Variants in APBA1 observed in about 807,000 individuals in gnomAD.
The protein encoded by APBA1 is amyloid beta precursor protein binding family A member 1.
In APBA1, 55 loss-of-function variants were observed where a neutral mutation model predicts 86.6. The ratio of observed to expected loss-of-function variants is 0.64; its 90% CI spans 0.51 to 0.80. The LOEUF is 0.80. APBA1 is among the 30% of genes least tolerant of loss of function. APBA1 has a pLI of 0.00. For synonymous variants in APBA1, 511 were observed against 493.9 expected, an observed-to-expected ratio of 1.03 and a Z score of -0.46; for missense variants, 1,090 against 1,183.0, an observed-to-expected ratio of 0.92 and a Z score of 1.15.
At chr9:69,596,070 C>T (rs1588384538) in intron 1 of APBA1, among the ~76,000 whole-genome samples, 1 of 152,258 alleles carries the variant, frequency 6.6e-6, no homozygotes, top group Non-Finnish European at 1.5e-5. Flanking sequence ...TCACTGTAAT[C>T]TTTAACTCTT....
chr9:69,578,139 G>C (rs78100632), intron 1 of APBA1, among the ~76,000 whole-genome samples: 13,897 of 152,232 alleles, frequency 0.091, 688 homozygotes, highest in East Asian at 0.13. Context: ...AGCCAAATTA[G>C]GACATCCCAG....
At chr9:69,654,295 C>T (rs1041988771) in intron 1 of APBA1, among the ~76,000 whole-genome samples, 1 of 151,764 alleles carries the variant, frequency 6.6e-6, no homozygotes, top group East Asian at 1.9e-4. Flanking sequence ...CTTAGCTAGA[C>T]TTACTAAGAA....
intron 2 of APBA1, among the ~76,000 whole-genome samples, chr9:69,489,256 G>A (rs927121193): frequency 1.3e-5 from 2 of 152,008 alleles, no homozygotes; most frequent in Admixed American, 6.5e-5. Context: ...AACCAAAACA[G>A]CATGGTACTG....
At chr9:69,614,113 T>C (rs1346185386) in intron 1 of APBA1, among the ~76,000 whole-genome samples, 5 of 152,230 alleles carry the variant, frequency 3.3e-5, no homozygotes. Context: ...ACTTTCTGTA[T>C]AGCTTTTGAA....
intron 2 of APBA1, among the ~76,000 whole-genome samples, chr9:69,514,820 T>C (rs1053359456): frequency 9.2e-5 from 14 of 151,808 alleles, no homozygotes; most frequent in African/African-American, 3.4e-4. Flanking sequence ...TGAGGTAGAA[T>C]TGCTTGAACC....
At chr9:69,484,309 G>A (rs556778832) in intron 2 of APBA1, among the ~76,000 whole-genome samples, 4 of 152,138 alleles carry the variant, frequency 2.6e-5, no homozygotes, top group African/African-American at 9.6e-5. Context: ...GAGGGAACCC[G>A]GACCCCACAG....
At chr9:69,618,028 A>G (rs561234180) in intron 1 of APBA1, among the ~76,000 whole-genome samples, 4 of 152,288 alleles carry the variant, frequency 2.6e-5, no homozygotes, top group Admixed American at 2.6e-4. Context: ...CTCAACTTTA[A>G]TTGCTTGGTA....
At chr9:69,658,406 CTCTT>C (rs1216461016) in intron 1 of APBA1, among the ~76,000 whole-genome samples, 4 of 146,976 alleles carry the variant, frequency 2.7e-5, no homozygotes, top group South Asian at 2.2e-4. Context: ...CTTTCCCTCT[CTCTT>C]TCTTTCTTTC....
intron 2 of APBA1, among the ~76,000 whole-genome samples, chr9:69,512,203 C>G (rs562766332): frequency 3.0e-4 from 45 of 152,124 alleles, no homozygotes; most frequent in Admixed American, 2.9e-3. Flanking sequence ...AAGTGAAACT[C>G]CTTACTAGAA....
chr9:69,503,851 G>A (rs1113067), intron 2 of APBA1, among the ~76,000 whole-genome samples: 25,191 of 151,988 alleles, frequency 0.17, 2,975 homozygotes, highest in African/African-American at 0.31. Context: ...CTCCTTTCCT[G>A]TCACCTGGAG....
intron 1 of APBA1, among the ~76,000 whole-genome samples, chr9:69,571,889 G>T (rs920779036): frequency 6.6e-6 from 1 of 152,082 alleles, no homozygotes. Flanking sequence ...TCATTGATTT[G>T]ACCTCTGCCG....
chr9:69,482,971 G>A (rs1245361176), intron 2 of APBA1, among the ~76,000 whole-genome samples: 2 of 117,394 alleles, frequency 1.7e-5, no homozygotes, highest in Non-Finnish European at 3.4e-5. Context: ...GACTGTTGTG[G>A]GGTGGGGGGA....
At chr9:69,494,317 G>A (rs1395459063) in intron 2 of APBA1, 1 of 151,980 alleles carries the variant, frequency 6.6e-6, no homozygotes, top group African/African-American at 2.4e-5. Context: ...GCCCCAAGTC[G>A]GTTAAACCCA....
intron 1 of APBA1, among the ~76,000 whole-genome samples, chr9:69,580,140 T>G (rs1421657541): frequency 6.6e-6 from 1 of 152,186 alleles, no homozygotes; most frequent in Non-Finnish European, 1.5e-5. Flanking sequence ...GAAATCATTT[T>G]AAATACCTGG....
At chr9:69,539,809 C>T (rs1407479654) in intron 1 of APBA1, among the ~76,000 whole-genome samples, 1 of 152,148 alleles carries the variant, frequency 6.6e-6, no homozygotes, top group Admixed American at 6.6e-5. Context: ...GTCTCTTCTG[C>T]ATGTGTCTGC....
rs1241069439 is a variant in APBA1, at chr9:69,516,959, G to A, written c.252C>T (p.Gly84=). 6.3e-7 allele frequency: 1 copy of A among 1,593,030 alleles called. No individual in the cohort carries two copies. The highest frequency in any genetic ancestry group is 8.5e-7 in the Non-Finnish European group (1 of 1,176,674). Residue 84 remains glycine, a synonymous_variant, in exon 2 of 13, where the codon GGC becomes GGT. Transcript: ENST00000265381. This position sits in a 1 kb window ranked among gnomAD's most constrained non-coding sequence, Gnocchi z 7.3. The stretch of plus-strand genomic sequence containing the variant: ...CGGCGGTGTCCGTGTGGTTGTGGAA[G>A]CCGCTCTCCGTGCTGGCTGAGCGCG... ...CLARSASTES[G]FHNHTDTAEG...
intron 2 of APBA1, among the ~76,000 whole-genome samples, chr9:69,502,275 G>A (rs1011730991): frequency 5.3e-5 from 8 of 152,060 alleles, no homozygotes; most frequent in Admixed American, 1.3e-4. Flanking sequence ...TGATGTCAGT[G>A]GGGGAGACAC....
At chr9:69,593,095 G>A (rs1158439839) in intron 1 of APBA1, among the ~76,000 whole-genome samples, 1 of 152,202 alleles carries the variant, frequency 6.6e-6, no homozygotes, top group Non-Finnish European at 1.5e-5. Flanking sequence ...GCTTTACAGT[G>A]TCTATACCTC....
intron 1 of APBA1, among the ~76,000 whole-genome samples, chr9:69,631,728 A>G (rs1823050829): frequency 6.6e-6 from 1 of 152,232 alleles, no homozygotes; most frequent in African/African-American, 2.4e-5. Flanking sequence ...ATGCAGCCAC[A>G]AAAAAGGATG....
Sources: allele counts gnomAD v4.1 joint callset (sites outside exome capture counted in the v4.1 genomes callset), GRCh38; gene constraint gnomAD v4.1.1; non-coding constraint Gnocchi (gnomAD v3.1); transcripts MANE v1.5; gene names NCBI Gene and HGNC (gene_info 2026-07-23, HGNC 2026-07-21).